BCAT1: variants seen among roughly 807,000 people sequenced by gnomAD.
BCAT1 encodes the protein branched chain amino acid transaminase 1, also known as branched-chain-amino-acid aminotransferase, cytosolic.
Under a neutral mutation model 52.4 loss-of-function variants are expected in BCAT1, and 48 were observed. The observed-to-expected ratio is 0.92, with a 90% CI of 0.73 to 1.16. BCAT1 has a LOEUF of 1.16. BCAT1 is among the 50% of genes most tolerant of loss of function. The pLI is 0.00. For synonymous variants in BCAT1, 167 were observed against 161.3 expected (o/e 1.04, Z -0.27); for missense variants, 451 against 457.1 (o/e 0.99, Z 0.12).
intron 1 of BCAT1, among the ~76,000 whole-genome samples, chr12:24,922,995 C>T (rs928970665): frequency 2.0e-5 from 3 of 152,146 alleles, no homozygotes; most frequent in African/African-American, 7.2e-5. Flanking sequence ...ATGCACTTAA[C>T]TCCTCCAGCA....
At chr12:24,926,290 GAAGTA>G (rs1943583433) in intron 1 of BCAT1, among the ~76,000 whole-genome samples, 1 of 152,034 alleles carries the variant, frequency 6.6e-6, no homozygotes, top group African/African-American at 2.4e-5. Context: ...CCCCATCTGA[GAAGTA>G]AAGAGCCCCT....
chr12:24,879,740 C>G (rs1398268567), intron 4 of BCAT1, among the ~76,000 whole-genome samples: 1 of 152,180 alleles, frequency 6.6e-6, no homozygotes, highest in African/African-American at 2.4e-5. Context: ...TCCTTTTGCT[C>G]TTTGTGACTT....
intron 10 of BCAT1, among the ~76,000 whole-genome samples, chr12:24,822,035 G>A (rs532968887): frequency 1.3e-5 from 2 of 152,310 alleles, no homozygotes; most frequent in South Asian, 2.1e-4. Flanking sequence ...AGGCAAAGGT[G>A]AGTATGATGG....
intron 1 of BCAT1, among the ~76,000 whole-genome samples, chr12:24,907,377 A>G (rs961950985): frequency 1.6e-4 from 25 of 152,354 alleles, no homozygotes; most frequent in African/African-American, 6.0e-4. Flanking sequence ...TTCTAATTTT[A>G]TGATGGGAAG....
intron 1 of BCAT1, among the ~76,000 whole-genome samples, chr12:24,925,642 C>T (rs959463740): frequency 1.1e-4 from 16 of 152,092 alleles, no homozygotes; most frequent in African/African-American, 3.4e-4. Context: ...GATGCCAAGC[C>T]GAAGCTGGAC....
At chr12:24,836,440 A>T (rs1323054476) in intron 8 of BCAT1, 71 bp downstream of exon 8, 1 of 1,312,426 alleles carries the variant, frequency 7.6e-7, no homozygotes, top group Non-Finnish European at 1.1e-6. Flanking sequence ...TTATTTCAAC[A>T]CTAGGCTGGG....
chr12:24,868,845 G>A (rs1476440394), intron 5 of BCAT1, among the ~76,000 whole-genome samples: 3 of 152,136 alleles, frequency 2.0e-5, no homozygotes, highest in South Asian at 4.1e-4. Context: ...GACAAAGCAA[G>A]ACACAGACAC....
chr12:24,877,642 A>G (rs576267492), intron 5 of BCAT1, among the ~76,000 whole-genome samples: 1 of 152,314 alleles, frequency 6.6e-6, no homozygotes, highest in Non-Finnish European at 1.5e-5. Flanking sequence ...CTCCATGCCA[A>G]GTAATCCCAA....
Position 24,898,520 on chromosome 12 carries a change from C to CTTTTTTTTTTTTTT in BCAT1, c.78+3280_78+3293dup. On this transcript the variant is annotated intron_variant, in intron 2 of 10. Coordinates refer to ENST00000261192, the MANE Select transcript of BCAT1 (RefSeq NM_005504.7). ...TGTTTCAGCCAGGGTTCAGTCAACA[C>CTTTTTTTTTTTTTT]TTTTTTTTTTTTTTTTTTTTTTTTT... Among the ~76,000 whole-genome samples the CTTTTTTTTTTTTTT allele has an allele frequency of 6.3e-3, 243 of 38,526 alleles. 85 individuals are homozygous for CTTTTTTTTTTTTTT. Among genetic ancestry groups the CTTTTTTTTTTTTTT allele is most frequent in the Admixed American group, 0.011 (21 of 1,982 alleles). The allele number at this position is 38,526 out of a possible 152,430, so 25.3% of individuals were successfully genotyped here. A position where few individuals can be genotyped will look rare whatever the true frequency, so the allele number is the denominator to read the frequency against.
At chr12:24,875,006 C>CAA (rs11370314) in intron 5 of BCAT1, among the ~76,000 whole-genome samples, 3,172 of 137,972 alleles carry the variant, frequency 0.023, 92 homozygotes, top group African/African-American at 0.065. Flanking sequence ...AAGACAGGAC[C>CAA]AAAAAAAAAA....
chr12:24,820,651 C>G (rs911675548), intron 10 of BCAT1, among the ~76,000 whole-genome samples: 1 of 152,132 alleles, frequency 6.6e-6, no homozygotes, highest in Non-Finnish European at 1.5e-5. Context: ...GTCAAAGCAA[C>G]GTGGCAAGTC....
chr12:24,937,967 A>T (rs1217407633), intron 1 of BCAT1, among the ~76,000 whole-genome samples: 1 of 152,200 alleles, frequency 6.6e-6, no homozygotes, highest in African/African-American at 2.4e-5. Flanking sequence ...TGAGGAATGT[A>T]GCAAATTAAT....
intron 2 of BCAT1, among the ~76,000 whole-genome samples, chr12:24,895,011 C>G (rs1212532393): frequency 6.6e-6 from 1 of 152,150 alleles, no homozygotes; most frequent in African/African-American, 2.4e-5. Flanking sequence ...AAATGTTTTC[C>G]TCTTTGAAAA....
At chr12:24,905,650 C>A (rs1333379523) in intron 1 of BCAT1, among the ~76,000 whole-genome samples, 1 of 152,128 alleles carries the variant, frequency 6.6e-6, no homozygotes, top group East Asian at 1.9e-4. Context: ...TGCTATTAGT[C>A]AGCAACAGCT....
intron 3 of BCAT1, among the ~76,000 whole-genome samples, chr12:24,886,797 C>G (rs1942672972): frequency 6.9e-6 from 1 of 145,836 alleles, no homozygotes. Context: ...AGGAGTTCAA[C>G]ACCAGCCTGG....
chr12:24,821,003 G>A (rs971726101), intron 10 of BCAT1, among the ~76,000 whole-genome samples: 6 of 152,142 alleles, frequency 3.9e-5, no homozygotes, highest in Admixed American at 3.3e-4. Context: ...CCTGTAACAC[G>A]TGGAGGAGGA....
intron 10 of BCAT1, among the ~76,000 whole-genome samples, chr12:24,826,009 C>T (rs968334930): frequency 5.3e-5 from 8 of 152,034 alleles, no homozygotes; most frequent in Non-Finnish European, 1.0e-4. Flanking sequence ...TTCAGGAGTT[C>T]GAGACCAGCC....
At chr12:24,855,317 A>G (rs1325637507) in intron 5 of BCAT1, among the ~76,000 whole-genome samples, 1 of 150,834 alleles carries the variant, frequency 6.6e-6, no homozygotes, top group Non-Finnish European at 1.5e-5. Flanking sequence ...AAAAAAAAAA[A>G]AAAAGAAAGA....
At chr12:24,928,621 C>A (rs145663696) in intron 1 of BCAT1, among the ~76,000 whole-genome samples, 3 of 127,232 alleles carry the variant, frequency 2.4e-5, no homozygotes, top group African/African-American at 8.7e-5. Context: ...CAATACAGAG[C>A]GAGACAGTCT....
Sources: allele counts gnomAD v4.1 joint callset (sites outside exome capture counted in the v4.1 genomes callset), GRCh38; gene constraint gnomAD v4.1.1; transcripts MANE v1.5; gene names NCBI Gene and HGNC (gene_info 2026-07-23, HGNC 2026-07-21).